The following ZBTB20 variants were observed in gnomAD, a reference collection of about 807,000 sequenced individuals.
ZBTB20 encodes zinc finger and BTB domain-containing protein 20.
ZBTB20 carries 9 observed loss-of-function variants against 56.9 expected under a neutral mutation model. That is an observed-to-expected ratio of 0.16 (90% CI 0.10 to 0.28). The LOEUF (loss-of-function observed/expected upper bound fraction) is 0.28. Among genes scored for constraint, ZBTB20 ranks in the 10% least tolerant of loss-of-function variants. The pLI is 1.00. For missense variants in ZBTB20, 655 were observed against 1,003.0 expected (o/e 0.65, Z 4.69); for synonymous variants, 417 against 420.7 (o/e 0.99, Z 0.11).
intron 4 of ZBTB20, among the ~76,000 whole-genome samples, chr3:114,833,798 C>T (rs140468211): frequency 1.5e-4 from 23 of 150,892 alleles, no homozygotes; most frequent in African/African-American, 4.6e-4. Context: ...CTCCCAAGTA[C>T]TGTGATTACA....
chr3:114,408,312 A>G (rs2087547998), intron 7 of ZBTB20, among the ~76,000 whole-genome samples: 1 of 152,220 alleles, frequency 6.6e-6, no homozygotes, highest in Non-Finnish European at 1.5e-5. Context: ...AGACTAAAGC[A>G]GAAGTTCAGG....
intron 7 of ZBTB20, among the ~76,000 whole-genome samples, chr3:114,440,143 A>C (rs996342800): frequency 1.3e-5 from 2 of 152,128 alleles, no homozygotes; most frequent in African/African-American, 4.8e-5. Flanking sequence ...TGCACACATA[A>C]AACTCTGATT....
At chr3:115,036,630 G>A (rs1019774915) in intron 2 of ZBTB20, among the ~76,000 whole-genome samples, 1 of 152,138 alleles carries the variant, frequency 6.6e-6, no homozygotes, top group African/African-American at 2.4e-5. Context: ...GGCCAGGATG[G>A]TCTCGATCTC....
Position 114,323,468 on chromosome 3 carries a change from A to C in ZBTB20, c.*15537T>G, listed in dbSNP as rs2078964590. On this transcript the variant is annotated 3_prime_UTR_variant, in exon 12 of 12. Coordinates refer to ENST00000675478, the MANE Select transcript of ZBTB20 (RefSeq NM_001348800.3). ...AGGTTTCACCCAGGGATGGAGAAGC[A>C]TAATCAGGCTGAAAAGTAATTCCAA... is the stretch of plus-strand genomic sequence containing the variant. 6.6e-6 allele frequency: 1 copy of C among 152,258 alleles called. No individual in the cohort carries two copies. The highest frequency in any genetic ancestry group is 6.5e-5 in the Admixed American group (1 of 15,288). The allele number at this position is 152,258 out of a possible 1,614,324, so 9.4% of individuals were successfully genotyped here.
intron 2 of ZBTB20, among the ~76,000 whole-genome samples, chr3:115,011,143 A>C (rs954159265): frequency 1.3e-5 from 2 of 151,900 alleles, no homozygotes; most frequent in African/African-American, 4.8e-5. Context: ...ACAATGAAGC[A>C]CACCTACAGG....
At chr3:114,373,816 G>T (rs977927125) in intron 10 of ZBTB20, among the ~76,000 whole-genome samples, 9 of 152,168 alleles carry the variant, frequency 5.9e-5, no homozygotes, top group African/African-American at 2.2e-4. Context: ...CTAAATGAAT[G>T]AATGAATAAG....
intron 4 of ZBTB20, among the ~76,000 whole-genome samples, chr3:114,838,750 T>A (rs185596449): frequency 2.4e-4 from 37 of 152,140 alleles, no homozygotes; most frequent in Non-Finnish European, 2.4e-4. Context: ...TATTTTTTTT[T>A]AATGCCTGCC....
intron 1 of ZBTB20, among the ~76,000 whole-genome samples, chr3:115,084,910 G>T (rs2082929877): frequency 6.6e-6 from 1 of 151,890 alleles, no homozygotes; most frequent in African/African-American, 2.4e-5. Context: ...TAAGAATCAT[G>T]GTCTTTATTT....
intron 6 of ZBTB20, among the ~76,000 whole-genome samples, chr3:114,597,326 C>G (rs903459571): frequency 6.6e-6 from 1 of 152,136 alleles, no homozygotes; most frequent in Non-Finnish European, 1.5e-5. Context: ...AGTTACTTGA[C>G]ACATGATAAC....
At chr3:114,500,596 AC>A in intron 6 of ZBTB20, among the ~76,000 whole-genome samples, 1 of 152,022 alleles carries the variant, frequency 6.6e-6, no homozygotes. Context: ...TAAAGGTATG[AC>A]CCCCTGCTAT....
intron 6 of ZBTB20, among the ~76,000 whole-genome samples, chr3:114,689,377 G>C (rs537163631): frequency 1.3e-5 from 2 of 152,122 alleles, no homozygotes; most frequent in African/African-American, 4.8e-5. Flanking sequence ...GTTGGTGGGG[G>C]TATCTGCCAA....
chr3:114,565,024 A>C (rs1279324941), intron 6 of ZBTB20, among the ~76,000 whole-genome samples: 2 of 152,158 alleles, frequency 1.3e-5, no homozygotes, highest in Non-Finnish European at 2.9e-5. Flanking sequence ...TTAAACATTT[A>C]AGCCTCATCA....
At position 114,675,600 on chromosome 3, in the gene ZBTB20, G is replaced by T. The variant is rs996175575; in HGVS notation, c.-295+17928C>A. 3.9e-5 allele frequency among the ~76,000 whole-genome samples: 6 copies of T among 152,086 alleles called. No homozygotes were observed. In the South Asian group the frequency reaches 8.3e-4, roughly 21 times the overall value. ...ATCAATGGGTGGGCATAAAGAGAAA[G>T]AAATCATATGAGGCTACCACACATA... is the stretch of plus-strand genomic sequence containing the variant. On this transcript the variant is annotated intron_variant, in intron 6 of 11. Transcript: ENST00000675478.
chr3:114,798,826 G>A (rs184456344), intron 5 of ZBTB20, among the ~76,000 whole-genome samples: 2 of 151,786 alleles, frequency 1.3e-5, no homozygotes, highest in East Asian at 3.9e-4. Context: ...AATTCACTAA[G>A]CCTAAATTTC....
intron 6 of ZBTB20, among the ~76,000 whole-genome samples, chr3:114,621,286 G>A (rs1369975958): frequency 6.6e-6 from 1 of 152,100 alleles, no homozygotes; most frequent in Non-Finnish European, 1.5e-5. Context: ...AACTTTCGGT[G>A]TTGTCAGTGT....
chr3:115,055,199 C>CTCTG, intron 2 of ZBTB20, among the ~76,000 whole-genome samples: 1 of 140,262 alleles, frequency 7.1e-6, no homozygotes, highest in Non-Finnish European at 1.6e-5. Context: ...CTCTCTCTCT[C>CTCTG]TCTCTCTCTC....
intron 3 of ZBTB20, among the ~76,000 whole-genome samples, chr3:114,973,946 C>CT (rs2077993952): frequency 6.6e-6 from 1 of 151,600 alleles, no homozygotes; most frequent in South Asian, 2.1e-4. Context: ...AATTTTATTT[C>CT]TTATAGTTAA....
intron 3 of ZBTB20, among the ~76,000 whole-genome samples, chr3:114,945,743 G>A (rs1279129932): frequency 6.9e-6 from 1 of 145,190 alleles, no homozygotes; most frequent in Admixed American, 6.6e-5. Flanking sequence ...GAAATACAAT[G>A]TCAGACTTTG....
intron 7 of ZBTB20, among the ~76,000 whole-genome samples, chr3:114,482,308 T>C (rs1218041230): frequency 2.6e-5 from 4 of 152,116 alleles, no homozygotes; most frequent in African/African-American, 9.7e-5. Flanking sequence ...AAGACAACAC[T>C]GAGAAGACCA....
Sources: allele counts gnomAD v4.1 joint callset (sites outside exome capture counted in the v4.1 genomes callset), GRCh38; gene constraint gnomAD v4.1.1; transcripts MANE v1.5; gene names NCBI Gene and HGNC (gene_info 2026-07-23, HGNC 2026-07-21).